The following RIMBP2 variants were observed in gnomAD, a reference collection of about 807,000 sequenced individuals.
The protein encoded by RIMBP2 is RIMS binding protein 2.
In RIMBP2, 48 loss-of-function variants were observed where a neutral mutation model predicts 118.6. The ratio of observed to expected loss-of-function variants is 0.40; its 90% CI spans 0.32 to 0.51. The LOEUF (loss-of-function observed/expected upper bound fraction) is 0.51, where lower values mean the gene tolerates loss of function less well. Ranked by LOEUF, RIMBP2 falls within the 20% of genes least tolerant of loss-of-function variation. RIMBP2 has a pLI of 0.41. For missense variants in RIMBP2, 1,551 were observed against 1,768.3 expected (o/e 0.88, Z 2.20); for synonymous variants, 762 against 742.9 (o/e 1.03, Z -0.42).
At chr12:130,632,831 A>G (rs910736083) in intron 1 of RIMBP2, among the ~76,000 whole-genome samples, 2 of 152,242 alleles carry the variant, frequency 1.3e-5, no homozygotes, top group African/African-American at 2.4e-5. Flanking sequence ...CACTTTACAC[A>G]AAGTTTTAAT....
chr12:130,623,138 T>C lies in RIMBP2; in HGVS notation c.-217+5184A>G, dbSNP rs1292100031. ...AGGTCAACTGAATACTATTAAAGAC[T>C]GAGGTAATTCCATCCTGCATTATTG... On this transcript the variant is annotated intron_variant, in intron 2 of 22. Transcript: ENST00000690449. This position sits in a 1 kb window ranked among gnomAD's most constrained non-coding sequence, Gnocchi z 4.1. Among the ~76,000 whole-genome samples the C allele has an allele frequency of 1.3e-5, 2 of 152,254 alleles. No individual in the cohort carries two copies. The highest frequency in any genetic ancestry group is 2.9e-5 in the Non-Finnish European group (2 of 68,056).
chr12:130,634,100 C>T (rs1184852665), intron 1 of RIMBP2, among the ~76,000 whole-genome samples: 1 of 152,238 alleles, frequency 6.6e-6, no homozygotes, highest in East Asian at 1.9e-4. Context: ...CCACTGGGAA[C>T]CTGTCCTTCG....
At chr12:130,458,150 C>T (rs2079622548) in intron 6 of RIMBP2, among the ~76,000 whole-genome samples, 1 of 151,778 alleles carries the variant, frequency 6.6e-6, no homozygotes, top group South Asian at 2.1e-4. Context: ...TTCTCAGCTC[C>T]TTAGTCCAGA....
chr12:130,432,385 G>A (rs1280294739), intron 14 of RIMBP2: 18 of 448,528 alleles, frequency 4.0e-5, no homozygotes, highest in Admixed American at 2.9e-4. Flanking sequence ...TGTGTTTTGC[G>A]TGTCATGTAA....
At chr12:130,563,826 T>C (rs977300245) in intron 2 of RIMBP2, among the ~76,000 whole-genome samples, 7 of 152,244 alleles carry the variant, frequency 4.6e-5, no homozygotes, top group Non-Finnish European at 7.3e-5. Context: ...CCTTTTGAAA[T>C]GTAAGTCAGC....
At chr12:130,502,769 G>A (rs1400531664) in intron 4 of RIMBP2, among the ~76,000 whole-genome samples, 2 of 152,194 alleles carry the variant, frequency 1.3e-5, no homozygotes, top group African/African-American at 4.8e-5. Flanking sequence ...TACCCCTGGT[G>A]CCTGCAACAG....
At chr12:130,586,142 C>T (rs951013005) in intron 2 of RIMBP2, among the ~76,000 whole-genome samples, 1 of 152,178 alleles carries the variant, frequency 6.6e-6, no homozygotes, top group African/African-American at 2.4e-5. Context: ...GCTTTGTCTT[C>T]CCTCAGGAGA....
At chr12:130,407,317 C>T (rs1317776826) in intron 20 of RIMBP2, among the ~76,000 whole-genome samples, 2 of 152,228 alleles carry the variant, frequency 1.3e-5, no homozygotes, top group African/African-American at 2.4e-5. Context: ...GGCGACACAA[C>T]CTCACCTATC....
chr12:130,584,286 TCAC>T (rs1180325577), intron 2 of RIMBP2, among the ~76,000 whole-genome samples: 1 of 32,694 alleles, frequency 3.1e-5, no homozygotes, highest in Non-Finnish European at 6.1e-5. Context: ...CTCATCGCCA[TCAC>T]CACCATCACA....
chr12:130,454,369 A>T (rs2079240064), intron 7 of RIMBP2, among the ~76,000 whole-genome samples: 1 of 152,278 alleles, frequency 6.6e-6, no homozygotes, highest in African/African-American at 2.4e-5. Context: ...GACCCTAAGC[A>T]GAGGCCTGGA....
intron 2 of RIMBP2, among the ~76,000 whole-genome samples, chr12:130,543,025 C>T (rs2054750987): frequency 6.6e-6 from 1 of 152,128 alleles, no homozygotes; most frequent in Non-Finnish European, 1.5e-5. Flanking sequence ...TTCCATTTGC[C>T]CTTCCCGTCT....
At position 130,576,790 on chromosome 12, in the gene RIMBP2, T is replaced by G. The variant is rs374485370; in HGVS notation, c.-217+51532A>C. On this transcript the variant is annotated intron_variant, in intron 2 of 22. Transcript: ENST00000690449. This position sits in a 1 kb window ranked among gnomAD's most constrained non-coding sequence, Gnocchi z 4.2. ...ACACAAGCTCCGAGTCCTAAACGAA[T>G]CACACCAGGATGGAGATTGCAGGAT... Among the ~76,000 whole-genome samples the G allele has an allele frequency of 1.8e-4, 28 of 152,104 alleles. No individual in the cohort carries two copies. The highest frequency in any genetic ancestry group is 3.8e-4 in the Non-Finnish European group (26 of 68,014).
chr12:130,409,146 C>T (rs2075458762), intron 19 of RIMBP2, among the ~76,000 whole-genome samples: 1 of 152,160 alleles, frequency 6.6e-6, no homozygotes, highest in African/African-American at 2.4e-5. Flanking sequence ...AAGGCTCACT[C>T]TTCCCAGCGT....
intron 2 of RIMBP2, among the ~76,000 whole-genome samples, chr12:130,598,393 C>G (rs2059676691): frequency 6.6e-6 from 1 of 152,108 alleles, no homozygotes. Flanking sequence ...TCCTAAAGAT[C>G]CACATTAAAA....
At chr12:130,430,123 G>A (rs1025218539) in intron 14 of RIMBP2, 1 of 152,310 alleles carries the variant, frequency 6.6e-6, no homozygotes, top group African/African-American at 2.4e-5. Context: ...TCAGTGAGAT[G>A]TCTAGTGACT....
At chr12:130,672,657 C>G (rs1279139162) in intron 1 of RIMBP2, among the ~76,000 whole-genome samples, 1 of 152,176 alleles carries the variant, frequency 6.6e-6, no homozygotes, top group Non-Finnish European at 1.5e-5. Flanking sequence ...GTTGCAGAGG[C>G]CAGTCTGGCA....
chr12:130,640,748 G>A (rs374885126), intron 1 of RIMBP2, among the ~76,000 whole-genome samples: 10 of 152,208 alleles, frequency 6.6e-5, no homozygotes, highest in African/African-American at 2.2e-4. Context: ...CCCAGGGACC[G>A]CACAGCCACT....
At chr12:130,716,155 TC>T (rs1484719030) in intron 1 of RIMBP2, 66 bp downstream of exon 1, 2 of 151,910 alleles carry the variant, frequency 1.3e-5, no homozygotes, top group Non-Finnish European at 2.9e-5. Context: ...CCGCTGCAGC[TC>T]GGGTGCAGAA....
At chr12:130,664,415 A>ACACGCACGCACG (rs1555320883) in intron 1 of RIMBP2, among the ~76,000 whole-genome samples, 4 of 130,590 alleles carry the variant, frequency 3.1e-5, no homozygotes, top group South Asian at 2.7e-4. Flanking sequence ...ACGCACGCAC[A>ACACGCACGCACG]CACACGCACA....
Sources: gnomAD v4.1 joint callset for allele counts (sites outside exome capture counted in the v4.1 genomes callset) on GRCh38, gnomAD v4.1.1 for gene constraint, Gnocchi (gnomAD v3.1) non-coding constraint, MANE v1.5 for transcripts, NCBI Gene and HGNC (gene_info 2026-07-23, HGNC 2026-07-21) for gene names.